Variants in MAPK4 observed in about 807,000 individuals in gnomAD.
MAPK4 encodes mitogen-activated protein kinase 4, also known as Erk3-related.
MAPK4 carries 22 observed loss-of-function variants against 47.7 expected under a neutral mutation model. The ratio of observed to expected loss-of-function variants is 0.46; its 90% CI spans 0.33 to 0.66. MAPK4 has a LOEUF of 0.66. Ranked by LOEUF, MAPK4 falls within the 30% of genes least tolerant of loss-of-function variation. The pLI is 0.02. For synonymous variants in MAPK4, 390 were observed against 365.7 expected (o/e 1.07, Z -0.76); for missense variants, 736 against 831.7 (o/e 0.88, Z 1.42).
chr18:50,645,908 G>C lies in MAPK4; in HGVS notation c.-870-17181G>C, dbSNP rs547673658. On this transcript the variant is annotated intron_variant, in intron 1 of 5. Transcript: ENST00000400384. ...TGGAGGTAATAATGGCATGTTCCTA[G>C]GTTAGATGAAGTACATTGTTTCCTG... Among the ~76,000 whole-genome samples the C allele has an allele frequency of 2.0e-5, 3 of 152,320 alleles. No individual in the cohort carries two copies. In the East Asian group the frequency reaches 5.8e-4, roughly 29 times the overall value.
intron 2 of MAPK4, among the ~76,000 whole-genome samples, chr18:50,679,230 C>T (rs1181512799): frequency 6.6e-6 from 1 of 152,148 alleles, no homozygotes; most frequent in Non-Finnish European, 1.5e-5. Flanking sequence ...GGGTGGAGCC[C>T]AAGGCCAGGA....
At chr18:50,691,854 C>T (rs1318767877) in intron 2 of MAPK4, among the ~76,000 whole-genome samples, 6 of 152,098 alleles carry the variant, frequency 3.9e-5, no homozygotes, top group South Asian at 2.1e-4. Flanking sequence ...ACTGCAGAGA[C>T]GGCAGAGTCT....
At chr18:50,590,113 C>G (rs1010591092) in intron 1 of MAPK4, among the ~76,000 whole-genome samples, 17 of 152,188 alleles carry the variant, frequency 1.1e-4, no homozygotes, top group Admixed American at 9.8e-4. Context: ...GTGTTTCTCC[C>G]TGTCTTCCAC....
intron 1 of MAPK4, among the ~76,000 whole-genome samples, chr18:50,605,360 T>A (rs745467525): frequency 2.6e-5 from 4 of 152,122 alleles, no homozygotes; most frequent in Non-Finnish European, 4.4e-5. Context: ...CAGGTACTGC[T>A]CTGAGGGAGA....
At chr18:50,670,413 ATC>A in intron 2 of MAPK4, among the ~76,000 whole-genome samples, 1 of 152,180 alleles carries the variant, frequency 6.6e-6, no homozygotes, top group East Asian at 1.9e-4. Flanking sequence ...TTCGTTCAAG[ATC>A]AGACTGCTTC....
intron 2 of MAPK4, among the ~76,000 whole-genome samples, chr18:50,713,825 TG>T (rs1341356903): frequency 1.3e-5 from 2 of 152,220 alleles, no homozygotes; most frequent in Non-Finnish European, 2.9e-5. Flanking sequence ...GTGAGAGTAT[TG>T]AGGCCAGCGT....
intron 2 of MAPK4, among the ~76,000 whole-genome samples, chr18:50,683,357 G>C (rs983026555): frequency 6.6e-6 from 1 of 151,622 alleles, no homozygotes; most frequent in Non-Finnish European, 1.5e-5. Flanking sequence ...TCCTGACCTC[G>C]AGTGATCCGC....
At chr18:50,644,575 A>G (rs978111164) in intron 1 of MAPK4, among the ~76,000 whole-genome samples, 10 of 152,078 alleles carry the variant, frequency 6.6e-5, no homozygotes, top group Admixed American at 6.5e-4. Flanking sequence ...GGCCTCTGCA[A>G]TGTCATTTTT....
At chr18:50,687,628 C>T (rs1908958416) in intron 2 of MAPK4, among the ~76,000 whole-genome samples, 1 of 152,220 alleles carries the variant, frequency 6.6e-6, no homozygotes, top group Non-Finnish European at 1.5e-5. Context: ...ATGGATGCTT[C>T]CATTCCAGCT....
At chr18:50,702,696 T>C (rs1035298104) in intron 2 of MAPK4, among the ~76,000 whole-genome samples, 3 of 152,216 alleles carry the variant, frequency 2.0e-5, no homozygotes, top group Admixed American at 1.3e-4. Context: ...CTTCATACAG[T>C]GACTGCCCCA....
intron 1 of MAPK4, among the ~76,000 whole-genome samples, chr18:50,601,491 T>A (rs2042541083): frequency 6.6e-6 from 1 of 152,106 alleles, no homozygotes; most frequent in African/African-American, 2.4e-5. Flanking sequence ...TTATTTTGTC[T>A]CAATTCCTTC....
chr18:50,624,553 T>C (rs372973171), intron 1 of MAPK4, among the ~76,000 whole-genome samples: 51 of 152,346 alleles, frequency 3.3e-4, no homozygotes, highest in South Asian at 1.2e-3. Context: ...GAAAATGTTA[T>C]TATAAGCAGA....
At chr18:50,585,911 C>T (rs2042384033) in intron 1 of MAPK4, among the ~76,000 whole-genome samples, 1 of 152,172 alleles carries the variant, frequency 6.6e-6, no homozygotes. Flanking sequence ...ACAAGAACAG[C>T]ATGGGGGTTA....
chr18:50,656,227 C>G (rs548953062), intron 1 of MAPK4, among the ~76,000 whole-genome samples: 1 of 152,196 alleles, frequency 6.6e-6, no homozygotes, highest in Admixed American at 6.5e-5. Context: ...TTTATTACCA[C>G]GCAGCTCCTG....
Position 50,663,497 on chromosome 18 carries a change from T to C in MAPK4, c.-462T>C, listed in dbSNP as rs1182108840. On this transcript the variant is annotated 5_prime_UTR_variant, in exon 2 of 6. Transcript: ENST00000400384. ...TTTGGAGCATCTTAAGGAGCTCAGC[T>C]CAGCAAACAACTCTTGCATTTCAGC... is the stretch of plus-strand genomic sequence containing the variant. 1 of 155,570 alleles carries C rather than the reference T, an allele frequency of 6.4e-6. No homozygotes were observed. Among genetic ancestry groups the C allele is most frequent in the Admixed American group, 6.3e-5 (1 of 15,874 alleles). The allele number at this position is 155,570 out of a possible 1,614,324, so 9.6% of individuals were successfully genotyped here. A position where few individuals can be genotyped will look rare whatever the true frequency, so the allele number is the denominator to read the frequency against.
intron 2 of MAPK4, among the ~76,000 whole-genome samples, chr18:50,712,082 G>A (rs1226526483): frequency 6.6e-6 from 1 of 152,154 alleles, no homozygotes; most frequent in Non-Finnish European, 1.5e-5. Flanking sequence ...AGAAGACACT[G>A]CACCTTCCCA....
chr18:50,628,933 A>T (rs1217739205), intron 1 of MAPK4, among the ~76,000 whole-genome samples: 1 of 152,240 alleles, frequency 6.6e-6, no homozygotes, highest in Non-Finnish European at 1.5e-5. Context: ...ATTTTATTTT[A>T]TATCCAGATT....
chr18:50,573,509 G>A (rs1450065494), intron 1 of MAPK4, among the ~76,000 whole-genome samples: 2 of 152,164 alleles, frequency 1.3e-5, no homozygotes, highest in Admixed American at 1.3e-4. Flanking sequence ...TGCTCCTTAT[G>A]AGAATCTAAT....
intron 1 of MAPK4, among the ~76,000 whole-genome samples, chr18:50,633,437 G>A (rs776937770): frequency 4.6e-4 from 70 of 152,278 alleles, no homozygotes; most frequent in Non-Finnish European, 6.8e-4. Flanking sequence ...GTAGCAGTGC[G>A]CATTCATCCC....
Sources: allele counts gnomAD v4.1 joint callset (sites outside exome capture counted in the v4.1 genomes callset), GRCh38; gene constraint gnomAD v4.1.1; transcripts MANE v1.5; gene names NCBI Gene and HGNC (gene_info 2026-07-23, HGNC 2026-07-21).